Variants in AMPD3 observed in about 807,000 individuals in gnomAD.
The protein encoded by AMPD3 is AMP deaminase 3.
A neutral mutation model predicts 82.3 loss-of-function variants in AMPD3; 57 were observed. The observed-to-expected ratio is 0.69, with a 90% confidence interval of 0.56 to 0.86. The LOEUF is 0.86. Ranked by LOEUF, AMPD3 falls within the 40% of genes least tolerant of loss-of-function variation. AMPD3 has a pLI of 0.00. For missense variants in AMPD3, 870 were observed against 1,003.8 expected (o/e 0.87, Z 1.80); for synonymous variants, 381 against 394.7 (o/e 0.97, Z 0.41).
intron 6 of AMPD3, chr11:10,488,550 G>T (rs1354669298): frequency 6.3e-6 from 3 of 473,726 alleles, no homozygotes; most frequent in Non-Finnish European, 8.3e-6. Context: ...TGGGAGCGGG[G>T]AGCAGCGGGT....
intron 5 of AMPD3, among the ~76,000 whole-genome samples, chr11:10,485,367 G>A (rs1457543410): frequency 4.6e-5 from 7 of 152,014 alleles, no homozygotes; most frequent in Admixed American, 1.3e-4. Flanking sequence ...TTGCCTCAGC[G>A]TCCTGAGTAG....
At chr11:10,494,084 G>A (rs547227051) in intron 7 of AMPD3, among the ~76,000 whole-genome samples, 8 of 152,168 alleles carry the variant, frequency 5.3e-5, no homozygotes, top group Non-Finnish European at 1.2e-4. Flanking sequence ...AACAGCCGGT[G>A]TTCATCAACA....
At chr11:10,467,705 C>T (rs1848461357) in intron 2 of AMPD3, among the ~76,000 whole-genome samples, 1 of 152,122 alleles carries the variant, frequency 6.6e-6, no homozygotes, top group African/African-American at 2.4e-5. Flanking sequence ...AACCCCAAGA[C>T]ACATAATCGT....
At position 10,461,498 on chromosome 11, in the gene AMPD3, T is replaced by C. The variant is rs1448802279; in HGVS notation, c.-5-17T>C. The C allele has an allele frequency of 9.3e-6, 15 of 1,614,088 alleles. No individual in the cohort carries two copies. Among genetic ancestry groups the C allele is most frequent in the Non-Finnish European group, 1.3e-5 (15 of 1,179,996 alleles). Reference sequence around the variant, plus strand: ...CTCAGGGCATCCTGCAATTCATGCTTGTTCTTTCTTTGCTAGCTGAGATGC... The same window carrying C: ...CTCAGGGCATCCTGCAATTCATGCTCGTTCTTTCTTTGCTAGCTGAGATGC... On this transcript the variant is annotated splice_polypyrimidine_tract_variant and intron_variant, in intron 1 of 14. Transcript: ENST00000396553.
At chr11:10,465,831 T>TC (rs933776132) in intron 2 of AMPD3, among the ~76,000 whole-genome samples, 3 of 151,470 alleles carry the variant, frequency 2.0e-5, no homozygotes, top group Non-Finnish European at 4.4e-5. Context: ...TTTTTTTTTT[T>TC]TTTTTTTTTC....
chr11:10,475,171 C>T (rs987100042), intron 2 of AMPD3, among the ~76,000 whole-genome samples: 6 of 152,092 alleles, frequency 3.9e-5, no homozygotes, highest in African/African-American at 1.2e-4. Flanking sequence ...CAGGAGCAGG[C>T]GTCTTACATG....
At chr11:10,496,395 T>C in intron 9 of AMPD3, 2 of 985,426 alleles carry the variant, frequency 2.0e-6, no homozygotes. Flanking sequence ...CTCAGACGGC[T>C]GCTGTCCTCT....
At chr11:10,501,379 C>T (rs1018501071) in intron 11 of AMPD3, 91 bp from the exon 12 acceptor site, 7 of 1,556,844 alleles carry the variant, frequency 4.5e-6, no homozygotes, top group Non-Finnish European at 6.1e-6. Context: ...GTGGTCATTC[C>T]CCCCGGAGCT....
chr11:10,458,784 T>G (rs1257255202), intron 1 of AMPD3, among the ~76,000 whole-genome samples: 1 of 152,246 alleles, frequency 6.6e-6, no homozygotes, highest in African/African-American at 2.4e-5. Context: ...TTAGGATTCT[T>G]TTTTTGAAAG....
In AMPD3 at chr11:10,473,009, A is replaced by C. The variant is rs972658940; in HGVS notation, c.222-5517A>C. On this transcript the variant is annotated intron_variant, in intron 2 of 14. Transcript: ENST00000396553. ...AGGGAGGGAGACTCTGTCTTGAAAA[A>C]GAAAAAGTTAGGGAGATTGGGAAGC... Among the ~76,000 whole-genome samples, 5 of 152,154 alleles carry C rather than the reference A, an allele frequency of 3.3e-5. No individual in the cohort carries two copies. The South Asian group carries it at 1.0e-3, about 32-fold the overall frequency.
At chr11:10,471,742 A>G (rs566644145) in intron 2 of AMPD3, among the ~76,000 whole-genome samples, 1 of 152,278 alleles carries the variant, frequency 6.6e-6, no homozygotes, top group African/African-American at 2.4e-5. Context: ...GAAAACCACA[A>G]TGAGATACCA....
Position 10,501,821 on chromosome 11 carries a change from AG to A in AMPD3, c.1842+232del, listed in dbSNP as rs1229645311. The A allele has an allele frequency of 4.1e-6, 4 of 981,954 alleles. No individual in the cohort carries two copies. In the Admixed American group the frequency reaches 2.5e-4, roughly 60 times the overall value. 60.8% of individuals were successfully genotyped at this position (981,954 alleles called of 1,614,324 possible). ...CCAGCCCTTATGCTATTACATTAAT[AG>A]AAATAGCCATTATTAGCTTTTTAGT... On this transcript the variant is annotated intron_variant, in intron 12 of 14. Coordinates refer to ENST00000396553, the MANE Select transcript of AMPD3 (RefSeq NM_001025389.2).
rs1355582557 is a variant in AMPD3 at position 10,487,231 on chromosome 11, G to T, written c.810-4G>T. 5 of 1,614,060 alleles carry T rather than the reference G, an allele frequency of 3.1e-6. No individual in the cohort carries two copies. Among genetic ancestry groups the T allele is most frequent in the Non-Finnish European group, 4.2e-6 (5 of 1,179,978 alleles). On this transcript the variant is annotated splice_polypyrimidine_tract_variant and splice_region_variant and intron_variant, in intron 5 of 14. Transcript: ENST00000396553. ...TATGGTCTCTCCCCATCTCCAACTT[G>T]CAGGAAAACCTATTGTCACCGGCGA... is the stretch of plus-strand genomic sequence containing the variant.
At chr11:10,487,461 C>A in intron 6 of AMPD3, 97 bp downstream of exon 6, 1 of 1,562,794 alleles carries the variant, frequency 6.4e-7, no homozygotes, top group Middle Eastern at 1.9e-4. Context: ...CCTGTGAGAA[C>A]TTCAGGGCTC....
At chr11:10,475,369 A>T (rs948524986) in intron 2 of AMPD3, among the ~76,000 whole-genome samples, 2 of 152,124 alleles carry the variant, frequency 1.3e-5, no homozygotes, top group Non-Finnish European at 2.9e-5. Flanking sequence ...CCGGGGATTA[A>T]CATTTGACAT....
chr11:10,472,432 TAAAGTA>T lies in AMPD3; in HGVS notation c.222-6093_222-6088del, dbSNP rs551679138. ...CATTCTTTACATGTACCCCAGAACT[TAAAGTA>T]TAATTAAAAAAAGAAAAAAATTAGG... On this transcript the variant is annotated intron_variant, in intron 2 of 14. Coordinates refer to ENST00000396553, the MANE Select transcript of AMPD3 (RefSeq NM_001025389.2). Among the ~76,000 whole-genome samples, 203 of 152,016 alleles carry T rather than the reference TAAAGTA, an allele frequency of 1.3e-3. 2 individuals carry two copies. The highest frequency in any genetic ancestry group is 4.8e-3 in the African/African-American group (198 of 41,454).
At chr11:10,474,829 G>A (rs1025816182) in intron 2 of AMPD3, among the ~76,000 whole-genome samples, 8 of 152,186 alleles carry the variant, frequency 5.3e-5, no homozygotes, top group Non-Finnish European at 1.2e-4. Context: ...GGTGGGGGAA[G>A]GAGGGGGTGT....
intron 11 of AMPD3, chr11:10,500,959 G>C (rs919132982): frequency 1.0e-6 from 1 of 985,284 alleles, no homozygotes; most frequent in Non-Finnish European, 1.2e-6. Context: ...TGGAGGTTTC[G>C]AATGGGGTCC....
intron 2 of AMPD3, among the ~76,000 whole-genome samples, chr11:10,465,380 A>G (rs577652268): frequency 6.7e-6 from 1 of 150,228 alleles, no homozygotes; most frequent in Admixed American, 6.6e-5. Flanking sequence ...TTAAGAAGCC[A>G]GATAAAAATT....
Sources: allele counts gnomAD v4.1 joint callset (sites outside exome capture counted in the v4.1 genomes callset), GRCh38; gene constraint gnomAD v4.1.1; transcripts MANE v1.5; gene names NCBI Gene and HGNC (gene_info 2026-07-23, HGNC 2026-07-21).